CEP170: variants seen among roughly 807,000 people sequenced by gnomAD.
CEP170 encodes centrosomal protein of 170 kDa.
A neutral mutation model predicts 151.9 loss-of-function variants in CEP170; 21 were observed. That is an observed-to-expected ratio of 0.14 (90% CI 0.10 to 0.20). The LOEUF (loss-of-function observed/expected upper bound fraction) is 0.20. CEP170 is among the 10% of genes least tolerant of loss of function. The probability of loss-of-function intolerance (pLI) is 1.00; values close to 1 mark genes in which losing one functional copy is unlikely to be tolerated. For missense variants in CEP170, 964 were observed against 1,892.9 expected, an observed-to-expected ratio of 0.51 and a Z score of 9.11; for synonymous variants, 356 against 648.8, an observed-to-expected ratio of 0.55 and a Z score of 6.86.
chr1:243,165,807 G>C lies in CEP170; in HGVS notation c.2153C>G (p.Thr718Ser), dbSNP rs771189595. The change falls in exon 13 of 20, where the codon ACC becomes AGC. Residue 718 changes from threonine to serine, a missense_variant. Physicochemically the swap from Thr to Ser is moderately conservative, Grantham distance 58. Coordinates refer to ENST00000366542, the MANE Select transcript of CEP170 (RefSeq NM_014812.3). ...AGCAGAGCTGCCTAAGTGAAGTAGG[G>C]TTTTATTATCTCCACCAGTTTTGAG... Reference protein sequence around the residue: ...ETLKTGGDNKTLLHLGSSAPG... With the variant: ...ETLKTGGDNKSLLHLGSSAPG... The C allele has an allele frequency of 5.6e-6, 9 of 1,613,996 alleles. No individual in the cohort carries two copies. The highest frequency in any genetic ancestry group is 6.8e-6 in the Non-Finnish European group (8 of 1,179,882).
chr1:243,228,766 C>G (rs1430133522), intron 1 of CEP170, among the ~76,000 whole-genome samples: 1 of 152,186 alleles, frequency 6.6e-6, no homozygotes, highest in Non-Finnish European at 1.5e-5. Context: ...AAGCATTATT[C>G]ATATGCTCTA....
At chr1:243,171,973 C>T (rs1192794277) in intron 11 of CEP170, among the ~76,000 whole-genome samples, 1 of 152,130 alleles carries the variant, frequency 6.6e-6, no homozygotes, top group Admixed American at 6.6e-5. Flanking sequence ...AATTATATCC[C>T]GGGCTGTACT....
chr1:243,238,956 G>C (rs775887060), intron 1 of CEP170, among the ~76,000 whole-genome samples: 1 of 152,102 alleles, frequency 6.6e-6, no homozygotes, highest in African/African-American at 2.4e-5. Flanking sequence ...CAATCTCTTT[G>C]AAAGTGTCTA....
intron 12 of CEP170, 107 bp from the exon 13 acceptor site, chr1:243,166,223 C>A (rs1295397713): frequency 7.1e-7 from 1 of 1,414,004 alleles, no homozygotes; most frequent in Non-Finnish European, 9.4e-7. Context: ...TGGTTCCAGG[C>A]CCCTTATTCC....
intron 1 of CEP170, among the ~76,000 whole-genome samples, chr1:243,233,515 C>T (rs57113591): frequency 0.044 from 6,712 of 151,834 alleles, 298 homozygotes; most frequent in African/African-American, 0.12. Flanking sequence ...GGGCAGATCA[C>T]GAGGTCAGGA....
rs371580565 is a variant in CEP170 at position 243,186,381 on chromosome 1, C to T, written c.1150G>A (p.Ala384Thr). The change falls in exon 9 of 20, where the codon GCT becomes ACT. Residue 384 changes from alanine (A) to threonine (T), a missense_variant. Physicochemically the swap from Ala to Thr is moderately conservative, Grantham distance 58. Coordinates refer to ENST00000366542, the MANE Select transcript of CEP170 (RefSeq NM_014812.3). Reference sequence around the variant, plus strand: ...TTGCTACAGCGCCTGTGAGCCCCAGCGTTCTCTGAATCACTTTGCGTACCA... The same window carrying T: ...TTGCTACAGCGCCTGTGAGCCCCAGTGTTCTCTGAATCACTTTGCGTACCA... ...DDGTQSDSEN[A>T]GAHRRCSKRA... is the part of the protein sequence containing the mutation. The T allele has an allele frequency of 4.3e-6, 7 of 1,612,452 alleles. No individual in the cohort carries two copies. Among genetic ancestry groups the T allele is most frequent in the South Asian group, 3.3e-5 (3 of 90,770 alleles).
In CEP170 at chr1:243,164,370, A is replaced by C. The variant is rs1333518987; in HGVS notation, c.3590T>G (p.Phe1197Cys). 1 of 1,530,554 alleles carries C rather than the reference A, an allele frequency of 6.5e-7. No homozygotes were observed. The highest frequency in any genetic ancestry group is 1.4e-5 in the African/African-American group (1 of 72,528). The allele number at this position is 1,530,554 out of a possible 1,614,324, so 94.8% of individuals were successfully genotyped here. ...SGARLVPSDK[F>C]SPRIRANSIS... ...ACTGTTAGCTCTAATTCTAGGAGAA[A>C]ATTTATCTGATGGTACTAGTCTGGC... is the stretch of plus-strand genomic sequence containing the variant. The change falls in exon 13 of 20, where the codon TTT becomes TGT. Residue 1197 changes from phenylalanine (F) to cysteine (C), a missense_variant. Phe to Cys is a radical substitution (Grantham distance 205, BLOSUM62 -2). Coordinates refer to ENST00000366542, the MANE Select transcript of CEP170 (RefSeq NM_014812.3).
chr1:243,233,089 GTC>G (rs2063901269), intron 1 of CEP170, among the ~76,000 whole-genome samples: 1 of 152,164 alleles, frequency 6.6e-6, no homozygotes, highest in African/African-American at 2.4e-5. Context: ...CTCTTCGGTT[GTC>G]TCTTTCTTAT....
rs529817848 is a variant in CEP170, at chr1:243,198,474, A to G, written c.631+586T>C. Among the ~76,000 whole-genome samples, 361 of 152,188 alleles carry G rather than the reference A, an allele frequency of 2.4e-3. 1 individual carries two copies. The highest frequency in any genetic ancestry group is 8.4e-3 in the African/African-American group (350 of 41,538). ...GAGGTTTTGAAGAATTTGTAATTTC[A>G]TATCACATTTCTGAACAAAGTGGGA... On this transcript the variant is annotated intron_variant, in intron 7 of 19. Coordinates refer to ENST00000366542, the MANE Select transcript of CEP170 (RefSeq NM_014812.3).
chr1:243,181,738 G>A (rs1277906317), intron 10 of CEP170, among the ~76,000 whole-genome samples: 1 of 152,176 alleles, frequency 6.6e-6, no homozygotes, highest in Non-Finnish European at 1.5e-5. Flanking sequence ...ATGTGATACT[G>A]TTGCTTACTG....
intron 14 of CEP170, among the ~76,000 whole-genome samples, chr1:243,149,123 G>GT (rs1432950243): frequency 1.3e-5 from 2 of 151,730 alleles, no homozygotes; most frequent in Non-Finnish European, 2.9e-5. Flanking sequence ...TGAATGAAAT[G>GT]TTTATCGCTA....
chr1:243,221,218 G>T (rs538107402), intron 3 of CEP170, among the ~76,000 whole-genome samples: 17 of 152,192 alleles, frequency 1.1e-4, no homozygotes, highest in Admixed American at 3.3e-4. Context: ...TAGAGAGGGG[G>T]TTCACCGTGT....
chr1:243,203,624 A>C (rs1265848358), intron 4 of CEP170, among the ~76,000 whole-genome samples: 2 of 152,172 alleles, frequency 1.3e-5, no homozygotes, highest in Non-Finnish European at 2.9e-5. Context: ...GAATAAAATT[A>C]TTTCATACAA....
chr1:243,200,240 G>C (rs930268660), intron 6 of CEP170, among the ~76,000 whole-genome samples: 1 of 151,928 alleles, frequency 6.6e-6, no homozygotes, highest in Admixed American at 6.6e-5. Context: ...GGTATTCATG[G>C]GAGTCCTGAA....
At chr1:243,150,358 C>T (rs2056948274) in intron 14 of CEP170, among the ~76,000 whole-genome samples, 1 of 152,124 alleles carries the variant, frequency 6.6e-6, no homozygotes, top group Non-Finnish European at 1.5e-5. Flanking sequence ...ACCATGTTGC[C>T]CAGGCTGGTC....
chr1:243,192,590 T>C (rs2148776603), intron 7 of CEP170, among the ~76,000 whole-genome samples: 3 of 152,228 alleles, frequency 2.0e-5, no homozygotes, highest in Non-Finnish European at 4.4e-5. Context: ...AATAGAAAAA[T>C]CACTTACAGA....
intron 1 of CEP170, among the ~76,000 whole-genome samples, chr1:243,239,989 C>T (rs2064661199): frequency 6.6e-6 from 1 of 152,150 alleles, no homozygotes; most frequent in African/African-American, 2.4e-5. Flanking sequence ...TACTAGAAAT[C>T]TGACATAAAA....
chr1:243,141,584 G>A lies in CEP170; in HGVS notation c.4059+732C>T, dbSNP rs114151139. 3.7e-3 allele frequency among the ~76,000 whole-genome samples: 563 copies of A among 152,278 alleles called. 3 individuals are homozygous for A. Among genetic ancestry groups the A allele is most frequent in the African/African-American group, 0.012 (500 of 41,558 alleles). On this transcript the variant is annotated intron_variant, in intron 15 of 19. Coordinates refer to ENST00000366542, the MANE Select transcript of CEP170 (RefSeq NM_014812.3). ...TCATTCTTTTAAATGCCAATCCTTT[G>A]CTTACATTTCTGCCCCAAATCAAAG...
intron 1 of CEP170, among the ~76,000 whole-genome samples, chr1:243,248,403 T>C (rs1337146786): frequency 1.3e-5 from 2 of 152,176 alleles, no homozygotes; most frequent in African/African-American, 4.8e-5. Context: ...AATTCTCAAT[T>C]CTTGGATCTC....
Sources: gnomAD v4.1 joint callset for allele counts (sites outside exome capture counted in the v4.1 genomes callset) on GRCh38, gnomAD v4.1.1 for gene constraint, MANE v1.5 for transcripts, NCBI Gene and HGNC (gene_info 2026-07-23, HGNC 2026-07-21) for gene names.